Variants in SLC12A3 observed in about 807,000 individuals in gnomAD.
SLC12A3 encodes Na-Cl cotransporter.
SLC12A3 carries 104 observed loss-of-function variants against 121.0 expected under a neutral mutation model. The observed-to-expected ratio is 0.86, with a 90% CI of 0.73 to 1.01. SLC12A3 has a LOEUF of 1.01. SLC12A3 is among the 50% of genes least tolerant of loss of function. The pLI is 0.00. For missense variants in SLC12A3, 1,328 were observed against 1,356.3 expected, an observed-to-expected ratio of 0.98 and a Z score of 0.33; for synonymous variants, 536 against 533.4, an observed-to-expected ratio of 1.00 and a Z score of -0.07.
chr16:56,905,471 C>T (rs1348743206), intron 25 of SLC12A3, among the ~76,000 whole-genome samples: 2 of 152,096 alleles, frequency 1.3e-5, no homozygotes, highest in Admixed American at 6.5e-5. Context: ...GGCCAACCAC[C>T]TGGGAATCAG....
chr16:56,885,672 G>A (rs184182384), intron 15 of SLC12A3, among the ~76,000 whole-genome samples: 9 of 152,214 alleles, frequency 5.9e-5, no homozygotes, highest in Admixed American at 2.0e-4. Flanking sequence ...CAATGGTGAC[G>A]AACCTCCCCT....
intron 25 of SLC12A3, chr16:56,906,506 C>A: frequency 5.2e-6 from 1 of 191,434 alleles, no homozygotes; most frequent in Non-Finnish European, 1.1e-5. Flanking sequence ...GTTTTTCCTC[C>A]CTGGATGTCT....
chr16:56,884,156 A>C lies in SLC12A3; in HGVS notation c.1777A>C (p.Ile593Leu), dbSNP rs781693559. The change falls in exon 14 of 26, where the codon ATT (isoleucine) becomes CTT (leucine). Residue 593 changes from isoleucine to leucine, a missense_variant. By Grantham distance (5) the Ile-to-Leu change is conservative. Transcript: ENST00000563236. ...CACCTGGTGGGCGGCCCTCATCGCC[A>C]TTGGCGTGGTGCTCTTCCTCCTGCT... ...LLTWWAALIA[I>L]GVVLFLLLYV... 1 of 1,614,054 alleles carries C rather than the reference A, an allele frequency of 6.2e-7. No homozygotes were observed. The highest frequency in any genetic ancestry group is 8.5e-7 in the Non-Finnish European group (1 of 1,179,976).
At chr16:56,902,075 G>C (rs2055545789) in intron 23 of SLC12A3, 1 of 434,410 alleles carries the variant, frequency 2.3e-6, no homozygotes, top group African/African-American at 2.0e-5. Flanking sequence ...AATCTGATTT[G>C]TTCACTGTTG....
chr16:56,878,705 C>G (rs534404406), intron 9 of SLC12A3, among the ~76,000 whole-genome samples: 2 of 152,094 alleles, frequency 1.3e-5, no homozygotes, highest in Non-Finnish European at 2.9e-5. Context: ...GATGTACTTC[C>G]TCCCAGTGGC....
chr16:56,890,237 TG>T (rs773048781), intron 18 of SLC12A3, 36 bp from the exon 19 acceptor site: 62 of 1,556,168 alleles, frequency 4.0e-5, no homozygotes, highest in Non-Finnish European at 4.9e-5. Flanking sequence ...CAGTGGGAGC[TG>T]GGGGAGAAGC....
At chr16:56,876,639 G>A (rs1269828435) in intron 8 of SLC12A3, among the ~76,000 whole-genome samples, 1 of 152,182 alleles carries the variant, frequency 6.6e-6, no homozygotes, top group African/African-American at 2.4e-5. Context: ...CTACACCTCT[G>A]TTCCCATTTT....
chr16:56,902,055 C>G (rs886727120), intron 23 of SLC12A3, among the ~76,000 whole-genome samples: 7 of 152,196 alleles, frequency 4.6e-5, no homozygotes, highest in African/African-American at 1.7e-4. Context: ...TCTGTGAGGA[C>G]TGGGGACACA....
Position 56,884,066 on chromosome 16 carries a change from C to T in SLC12A3, c.1687C>T (p.Gln563Ter), listed in dbSNP as rs2144723125. Residue 563 changes from glutamine (Q) to a stop codon, truncating the protein, a stop_gained, in exon 14 of 26, where the codon CAA (glutamine) becomes TAA (stop). Coordinates refer to ENST00000563236, the MANE Select transcript of SLC12A3 (RefSeq NM_001126108.2). LOFTEE classifies it high-confidence loss of function. ...TGGCCCAGGGTGGAGACCTTCATTC[C>T]AATACTACAACAAGTGGGCGGCGCT... ...TNSPGWRPSF[Q>*]YYNKWAALFG... is the part of the protein sequence containing the mutation. 3 of 1,614,220 alleles carry T rather than the reference C, an allele frequency of 1.9e-6. No homozygotes were observed. The highest frequency in any genetic ancestry group is 2.5e-6 in the Non-Finnish European group (3 of 1,180,030).
At chr16:56,900,492 A>G (rs1318732894) in intron 23 of SLC12A3, among the ~76,000 whole-genome samples, 1 of 149,564 alleles carries the variant, frequency 6.7e-6, no homozygotes, top group African/African-American at 2.5e-5. Flanking sequence ...AGCAGGAGCA[A>G]CATACAGACC....
At chr16:56,910,478 A>G (rs1187471615) in intron 25 of SLC12A3, among the ~76,000 whole-genome samples, 1 of 152,128 alleles carries the variant, frequency 6.6e-6, no homozygotes, top group African/African-American at 2.4e-5. Context: ...CTGGGACTAC[A>G]GGCACATACC....
intron 14 of SLC12A3, among the ~76,000 whole-genome samples, 161 bp from the exon 15 acceptor site, chr16:56,885,104 G>A (rs747756475): frequency 6.6e-6 from 1 of 152,134 alleles, no homozygotes; most frequent in Non-Finnish European, 1.5e-5. Flanking sequence ...CACACAGTCC[G>A]CAGGCCTCCA....
Position 56,913,606 on chromosome 16 carries a change from T to A in SLC12A3, c.*201T>A. The A allele has an allele frequency of 1.5e-6, 1 of 649,070 alleles. No homozygotes were observed. Among genetic ancestry groups the A allele is most frequent in the Non-Finnish European group, 2.8e-6 (1 of 359,226 alleles). The allele number at this position is 649,070 out of a possible 1,614,324, so 40.2% of individuals were successfully genotyped here. A position where few individuals can be genotyped will look rare whatever the true frequency, so the allele number is the denominator to read the frequency against. The stretch of plus-strand genomic sequence containing the variant: ...GGGACACATTCCCTGGGTCTTGTGT[T>A]TATAGGCTAGAGAAATAGCAGATGG... On this transcript the variant is annotated 3_prime_UTR_variant, in exon 26 of 26. Transcript: ENST00000563236.
At chr16:56,889,086 T>C (rs1367975114) in intron 18 of SLC12A3, among the ~76,000 whole-genome samples, 1 of 152,150 alleles carries the variant, frequency 6.6e-6, no homozygotes, top group African/African-American at 2.4e-5. Flanking sequence ...CAGAGATGCC[T>C]CCCTCAGTGG....
At chr16:56,895,192 A>AT (rs34438029) in intron 22 of SLC12A3, among the ~76,000 whole-genome samples, 15,414 of 126,508 alleles carry the variant, frequency 0.12, 1,159 homozygotes, top group East Asian at 0.23. Context: ...ATATATTTTA[A>AT]TTTTTTTTTT....
At chr16:56,869,878 G>T in intron 4 of SLC12A3, 54 bp downstream of exon 4, 2 of 1,523,120 alleles carry the variant, frequency 1.3e-6, no homozygotes, top group South Asian at 2.2e-5. Flanking sequence ...CCTAATCCTG[G>T]GAACAGGACT....
rs35797045 is a variant in SLC12A3, at chr16:56,884,213, C to A, written c.1825+9C>A. On this transcript the variant is annotated intron_variant, in intron 14 of 25. Transcript: ENST00000563236. ...CATCTACAAGAAGCCAGGTGCGCAT[C>A]TCAGCTGCGGGGCCTCGGCCCTCCT... 0.042 allele frequency: 67,018 copies of A among 1,613,806 alleles called. 1,648 individuals are homozygous for A. The highest frequency in any genetic ancestry group is 0.057 in the Middle Eastern group (347 of 6,060).
At chr16:56,892,357 C>G (rs1361369525) in intron 20 of SLC12A3, among the ~76,000 whole-genome samples, 1 of 152,132 alleles carries the variant, frequency 6.6e-6, no homozygotes, top group Non-Finnish European at 1.5e-5. Flanking sequence ...GCCTGTAATC[C>G]CAGCACTGTG....
intron 24 of SLC12A3, 22 bp downstream of exon 24, chr16:56,902,530 G>T: frequency 1.3e-5 from 9 of 694,352 alleles, no homozygotes; most frequent in South Asian, 2.7e-5. Context: ...GGTGGGGGTG[G>T]GAAACGCGAC....
Sources: allele counts gnomAD v4.1 joint callset (sites outside exome capture counted in the v4.1 genomes callset), GRCh38; gene constraint gnomAD v4.1.1; transcripts MANE v1.5; gene names NCBI Gene and HGNC (gene_info 2026-07-23, HGNC 2026-07-21).